EYS: variants seen among roughly 807,000 people sequenced by gnomAD.
EYS encodes protein eyes shut homolog.
A neutral mutation model predicts 282.1 loss-of-function variants in EYS; 250 were observed. The observed-to-expected ratio is 0.89, with a 90% CI of 0.80 to 0.98. EYS has a LOEUF of 0.98. Ranked by LOEUF, EYS falls within the 50% of genes least tolerant of loss-of-function variation. EYS has a pLI of 0.00. For synonymous variants in EYS, 1,355 were observed against 1,282.9 expected, an observed-to-expected ratio of 1.06 and a Z score of -1.20; for missense variants, 4,016 against 3,709.0, an observed-to-expected ratio of 1.08 and a Z score of -2.15.
At chr6:64,163,180 T>C (rs994204728) in intron 31 of EYS, among the ~76,000 whole-genome samples, 3 of 152,096 alleles carry the variant, frequency 2.0e-5, no homozygotes, top group African/African-American at 4.8e-5. Context: ...AATAGTTTTC[T>C]AGCAGAGAGA....
intron 35 of EYS, among the ~76,000 whole-genome samples, chr6:63,951,753 A>G (rs1765604856): frequency 7.0e-6 from 1 of 142,536 alleles, no homozygotes; most frequent in African/African-American, 2.8e-5. Context: ...AGCTAAAGGT[A>G]TACTCAAGGT....
chr6:65,376,985 G>C (rs1765392569), intron 8 of EYS, among the ~76,000 whole-genome samples: 1 of 152,114 alleles, frequency 6.6e-6, no homozygotes, highest in African/African-American at 2.4e-5. Context: ...AATTAACAAG[G>C]ATATTCAGGA....
chr6:63,910,909 C>T (rs1291507893), intron 35 of EYS, among the ~76,000 whole-genome samples: 1 of 152,022 alleles, frequency 6.6e-6, no homozygotes, highest in Non-Finnish European at 1.5e-5. Context: ...TTGTTAATTA[C>T]TCAGCATTAA....
chr6:65,312,990 AC>A (rs200082363), intron 11 of EYS, among the ~76,000 whole-genome samples: 6,985 of 151,992 alleles, frequency 0.046, 220 homozygotes, highest in South Asian at 0.09. Context: ...CCAGTCCTCA[AC>A]CCCCAGATGA....
intron 23 of EYS, among the ~76,000 whole-genome samples, chr6:64,623,467 G>T (rs1044338044): frequency 6.6e-6 from 1 of 151,956 alleles, no homozygotes; most frequent in African/African-American, 2.4e-5. Flanking sequence ...CCCTTTTCTC[G>T]ATGCTATGAA....
chr6:65,695,635 AT>A (rs71815460), intron 1 of EYS, among the ~76,000 whole-genome samples: 53,486 of 122,304 alleles, frequency 0.44, 11,873 homozygotes, highest in Non-Finnish European at 0.55. Context: ...AATCATTGTT[AT>A]TTTTTTTTTT....
intron 1 of EYS, among the ~76,000 whole-genome samples, chr6:65,655,439 C>T (rs1305529261): frequency 2.6e-5 from 4 of 151,394 alleles, no homozygotes; most frequent in African/African-American, 4.8e-5. Context: ...AGTATATATA[C>T]CAATTATAAA....
At chr6:64,722,713 G>T (rs1371154713) in intron 22 of EYS, among the ~76,000 whole-genome samples, 1 of 151,958 alleles carries the variant, frequency 6.6e-6, no homozygotes, top group Non-Finnish European at 1.5e-5. Context: ...AGAAAACAAG[G>T]TCTCTTTTTG....
chr6:65,223,074 C>A (rs1766513476), intron 12 of EYS, among the ~76,000 whole-genome samples: 2 of 152,096 alleles, frequency 1.3e-5, no homozygotes, highest in South Asian at 4.1e-4. Context: ...ATAAATTTAA[C>A]AAAACCTGTC....
chr6:65,282,053 GTGAC>G (rs1259921066), intron 12 of EYS, among the ~76,000 whole-genome samples: 1 of 151,682 alleles, frequency 6.6e-6, no homozygotes, highest in African/African-American at 2.4e-5. Context: ...ACAGAGTAGA[GTGAC>G]TGTTACAGAG....
At chr6:64,410,307 A>G (rs760237055) in intron 28 of EYS, among the ~76,000 whole-genome samples, 7 of 152,182 alleles carry the variant, frequency 4.6e-5, no homozygotes, top group Admixed American at 1.3e-4. Flanking sequence ...CCATGGAATG[A>G]GAGTGAATCC....
intron 22 of EYS, among the ~76,000 whole-genome samples, chr6:64,675,386 T>G (rs1033335340): frequency 2.0e-5 from 3 of 151,892 alleles, no homozygotes. Context: ...TGCCTGTGAT[T>G]GCAAACCTTT....
intron 2 of EYS, among the ~76,000 whole-genome samples, chr6:65,591,368 G>A (rs1203475167): frequency 1.3e-5 from 2 of 151,830 alleles, no homozygotes; most frequent in Admixed American, 6.6e-5. Flanking sequence ...GTGTGTGTAT[G>A]TGTATATATA....
chr6:64,144,414 A>G (rs1316751177), intron 31 of EYS, among the ~76,000 whole-genome samples: 1 of 152,200 alleles, frequency 6.6e-6, no homozygotes, highest in Non-Finnish European at 1.5e-5. Flanking sequence ...AATAGCTTCA[A>G]TAATCTTTCT....
At chr6:64,124,175 G>A (rs1453579063) in intron 31 of EYS, among the ~76,000 whole-genome samples, 1 of 152,194 alleles carries the variant, frequency 6.6e-6, no homozygotes, top group Admixed American at 6.5e-5. Context: ...CTGTAGCCGG[G>A]AGCAAAGATT....
intron 12 of EYS, among the ~76,000 whole-genome samples, chr6:65,161,907 TTGAAA>T (rs1309321951): frequency 1.3e-5 from 2 of 151,274 alleles, no homozygotes; most frequent in African/African-American, 4.8e-5. Flanking sequence ...TCTGTATAAA[TTGAAA>T]TATTTTTAGT....
At chr6:64,446,523 A>G (rs1561999296) in intron 26 of EYS, among the ~76,000 whole-genome samples, 1 of 151,254 alleles carries the variant, frequency 6.6e-6, no homozygotes, top group South Asian at 2.1e-4. Context: ...TATATTTTTG[A>G]AAGTGTAAAG....
chr6:65,401,265 A>G (rs1292282289), intron 7 of EYS, among the ~76,000 whole-genome samples: 2 of 151,790 alleles, frequency 1.3e-5, no homozygotes, highest in Non-Finnish European at 2.9e-5. Context: ...AGATTTCAAG[A>G]TTAATTTCCT....
At chr6:64,891,057 A>T (rs1274982594) in intron 18 of EYS, among the ~76,000 whole-genome samples, 2 of 152,056 alleles carry the variant, frequency 1.3e-5, no homozygotes, top group Non-Finnish European at 2.9e-5. Flanking sequence ...TGCCTGTTCA[A>T]CTGGAATGTT....
Sources: allele counts gnomAD v4.1 joint callset (sites outside exome capture counted in the v4.1 genomes callset), GRCh38; gene constraint gnomAD v4.1.1; transcripts MANE v1.5; gene names NCBI Gene and HGNC (gene_info 2026-07-23, HGNC 2026-07-21).